SYK: variants seen among roughly 807,000 people sequenced by gnomAD.
SYK encodes the protein tyrosine-protein kinase SYK.
In SYK, 16 loss-of-function variants were observed where a neutral mutation model predicts 77.8. The observed-to-expected ratio is 0.21, with a 90% CI of 0.14 to 0.31. SYK has a LOEUF of 0.31. Among genes scored for constraint, SYK ranks in the 10% least tolerant of loss-of-function variants. The pLI, the probability that SYK is intolerant of heterozygous loss-of-function variation, is 1.00. For missense variants in SYK, 529 were observed against 814.4 expected, an observed-to-expected ratio of 0.65 and a Z score of 4.26; for synonymous variants, 312 against 308.7, an observed-to-expected ratio of 1.01 and a Z score of -0.11.
intron 3 of SYK, among the ~76,000 whole-genome samples, chr9:90,857,014 G>A (rs1564098710): frequency 6.6e-6 from 1 of 152,252 alleles, no homozygotes; most frequent in Non-Finnish European, 1.5e-5. Context: ...GCTGATATTG[G>A]CATTGGCCCT....
chr9:90,817,111 G>A (rs1342477668), intron 1 of SYK, among the ~76,000 whole-genome samples: 1 of 152,086 alleles, frequency 6.6e-6, no homozygotes, highest in African/African-American at 2.4e-5. Context: ...TGGCTCATCA[G>A]CTATCATTAG....
chr9:90,888,761 T>A, intron 13 of SYK, 134 bp downstream of exon 13: 1 of 680,118 alleles, frequency 1.5e-6, no homozygotes, highest in Non-Finnish European at 2.3e-6. Context: ...CAAACAACGG[T>A]GGGGGCTGGT....
chr9:90,813,461 C>T (rs1825171977), intron 1 of SYK, among the ~76,000 whole-genome samples: 1 of 152,154 alleles, frequency 6.6e-6, no homozygotes, highest in African/African-American at 2.4e-5. Context: ...GGCTCTAAAG[C>T]CCTCTCTGGG....
At chr9:90,813,660 C>T (rs1825180781) in intron 1 of SYK, among the ~76,000 whole-genome samples, 2 of 152,200 alleles carry the variant, frequency 1.3e-5, no homozygotes, top group Admixed American at 6.5e-5. Context: ...AATAGGCCCT[C>T]TGTCAAATGT....
At chr9:90,827,710 C>T (rs2118470021) in intron 1 of SYK, 1 of 152,364 alleles carries the variant, frequency 6.6e-6, no homozygotes, top group East Asian at 1.9e-4. Context: ...CTGCCGCTAA[C>T]ATTCTTCCAC....
At chr9:90,819,652 C>T (rs907766511) in intron 1 of SYK, among the ~76,000 whole-genome samples, 3 of 152,156 alleles carry the variant, frequency 2.0e-5, no homozygotes, top group Middle Eastern at 3.4e-3. Flanking sequence ...CCTTGGGTCC[C>T]TCCCATAACA....
intron 8 of SYK, 37 bp from the exon 9 acceptor site, chr9:90,874,635 C>A (rs1827858846): frequency 6.3e-7 from 1 of 1,584,960 alleles, no homozygotes. Context: ...GGTGTGGGGT[C>A]CAGCCCCAGG....
At chr9:90,812,792 T>G (rs1755956) in intron 1 of SYK, among the ~76,000 whole-genome samples, 2 of 84,928 alleles carry the variant, frequency 2.4e-5, no homozygotes, top group Admixed American at 1.2e-4. Flanking sequence ...AGAGAGAGAT[T>G]GAGAGAGAGA....
chr9:90,894,723 A>C (rs1410011396), intron 13 of SYK, among the ~76,000 whole-genome samples: 1 of 152,238 alleles, frequency 6.6e-6, no homozygotes, highest in African/African-American at 2.4e-5. Flanking sequence ...AATAAGAAAA[A>C]TAACTTCTAA....
rs5899104 is a variant in SYK, at chr9:90,804,016, C to CA, written c.-42+2136dup. 2.7e-3 allele frequency among the ~76,000 whole-genome samples: 384 copies of CA among 140,376 alleles called. 1 individual carries two copies. The highest frequency in any genetic ancestry group is 0.011 in the East Asian group (51 of 4,694). The allele number at this position is 140,376 out of a possible 152,430, so 92.1% of individuals were successfully genotyped here. On this transcript the variant is annotated intron_variant, in intron 1 of 13. Coordinates refer to ENST00000375754, the MANE Select transcript of SYK (RefSeq NM_003177.7). ...CTACGAGAGCTTCTCTAAGACTTAC[C>CA]AAAAAAAAAAAAAGTGTTGTTTTTC...
chr9:90,864,551 C>A (rs1442761223), intron 4 of SYK, 38 bp from the exon 5 acceptor site: 1 of 1,568,212 alleles, frequency 6.4e-7, no homozygotes, highest in East Asian at 2.2e-5. Context: ...ATTTCCTGAC[C>A]TTGGTATTTA....
At chr9:90,860,864 G>A (rs1827229445) in intron 3 of SYK, among the ~76,000 whole-genome samples, 1 of 152,058 alleles carries the variant, frequency 6.6e-6, no homozygotes, top group African/African-American at 2.4e-5. Context: ...GCAACCAGGA[G>A]GAGGCATCAG....
Position 90,877,692 on chromosome 9 carries a change from A to T in SYK, c.1303A>T (p.Met435Leu). ...GCTGGACAACCCGTACATCGTGCGG[A>T]TGATCGGGATATGCGAGGCCGAGTC... is the stretch of plus-strand genomic sequence containing the variant. Reference protein sequence around the residue: ...QQLDNPYIVRMIGICEAESWM... With the variant: ...QQLDNPYIVRLIGICEAESWM... Residue 435 changes from methionine (M) to leucine (L), a missense_variant, in exon 10 of 14, where the codon ATG (methionine) becomes TTG (leucine). By Grantham distance (15) the Met-to-Leu change is conservative. Transcript: ENST00000375754. The T allele has an allele frequency of 6.2e-7, 1 of 1,614,228 alleles. No homozygotes were observed. The highest frequency in any genetic ancestry group is 8.5e-7 in the Non-Finnish European group (1 of 1,180,030).
chr9:90,876,827 A>G (rs1438649881), intron 9 of SYK, among the ~76,000 whole-genome samples: 1 of 152,210 alleles, frequency 6.6e-6, no homozygotes, highest in Non-Finnish European at 1.5e-5. Flanking sequence ...ACATTGAAAT[A>G]TATGCTTTTA....
chr9:90,862,584 C>G (rs1444988056), intron 4 of SYK, among the ~76,000 whole-genome samples: 1 of 152,192 alleles, frequency 6.6e-6, no homozygotes, highest in Non-Finnish European at 1.5e-5. Flanking sequence ...TTGAGAAGCA[C>G]TGGTCCAGAG....
intron 1 of SYK, among the ~76,000 whole-genome samples, chr9:90,840,395 G>A (rs1826250956): frequency 6.6e-6 from 1 of 152,078 alleles, no homozygotes; most frequent in Admixed American, 6.5e-5. Context: ...TGCAGGAAAA[G>A]GGTGGAGTGG....
At chr9:90,809,562 A>G (rs892864325) in intron 1 of SYK, among the ~76,000 whole-genome samples, 9 of 152,244 alleles carry the variant, frequency 5.9e-5, no homozygotes, top group African/African-American at 2.2e-4. Context: ...ATGGTTACAC[A>G]AAACTTGTTT....
chr9:90,826,988 A>G (rs564982819), intron 1 of SYK, among the ~76,000 whole-genome samples: 2 of 151,974 alleles, frequency 1.3e-5, no homozygotes, highest in Non-Finnish European at 2.9e-5. Flanking sequence ...CCTGGCTGGC[A>G]ATTAGCATCT....
At chr9:90,814,568 A>C (rs555493342) in intron 1 of SYK, among the ~76,000 whole-genome samples, 6 of 152,116 alleles carry the variant, frequency 3.9e-5, no homozygotes, top group Non-Finnish European at 7.4e-5. Flanking sequence ...GGAGCCCAGA[A>C]GGGATATGAA....
Sources: allele counts gnomAD v4.1 joint callset (sites outside exome capture counted in the v4.1 genomes callset), GRCh38; gene constraint gnomAD v4.1.1; transcripts MANE v1.5; gene names NCBI Gene and HGNC (gene_info 2026-07-23, HGNC 2026-07-21).